PABPC4L: variants seen among roughly 807,000 people sequenced by gnomAD.
The protein encoded by PABPC4L is polyadenylate-binding protein 4-like.
For missense variants in PABPC4L, 452 were observed against 451.4 expected (o/e 1.00, Z -0.01); for synonymous variants, 169 against 164.1 (o/e 1.03, Z -0.23).
the PABPC4L span, among the ~76,000 whole-genome samples, chr4:134,001,653 C>T: frequency 1.3e-5 from 2 of 151,954 alleles, no homozygotes; most frequent in Non-Finnish European, 2.9e-5. Context: ...AATAGAATCT[C>T]CAGGGACAAG....
chr4:134,061,840 GAAAAAGA>G, the PABPC4L span, among the ~76,000 whole-genome samples: 1 of 149,600 alleles, frequency 6.7e-6, no homozygotes, highest in Non-Finnish European at 1.5e-5. Flanking sequence ...AAAAAGAAAA[GAAAAAGA>G]AGAAAGAAGG....
the PABPC4L span, among the ~76,000 whole-genome samples, chr4:134,008,270 T>C: frequency 1.3e-5 from 2 of 151,856 alleles, no homozygotes; most frequent in Non-Finnish European, 2.9e-5. Context: ...ATCAATTATT[T>C]GACTTTTTCA....
the PABPC4L span, among the ~76,000 whole-genome samples, chr4:134,166,639 A>T: frequency 2.0e-5 from 3 of 152,166 alleles, no homozygotes; most frequent in African/African-American, 7.2e-5. Context: ...GATGTAACAG[A>T]GCTGATTTTC....
chr4:134,113,430 A>G, the PABPC4L span, among the ~76,000 whole-genome samples: 2 of 151,910 alleles, frequency 1.3e-5, no homozygotes, highest in Non-Finnish European at 1.5e-5. Context: ...CACAAACACC[A>G]TTGTGTTATA....
chr4:134,053,033 C>T, the PABPC4L span, among the ~76,000 whole-genome samples: 3 of 151,970 alleles, frequency 2.0e-5, no homozygotes, highest in African/African-American at 7.2e-5. Context: ...TATAACCATG[C>T]TTTGAAGTAG....
the PABPC4L span, among the ~76,000 whole-genome samples, chr4:133,962,399 G>A: frequency 2.6e-5 from 4 of 152,110 alleles, no homozygotes; most frequent in Admixed American, 2.0e-4. Context: ...AAGAAGTGAC[G>A]GGAGAAATAT....
At chr4:133,976,295 T>G in the PABPC4L span, among the ~76,000 whole-genome samples, 1 of 152,220 alleles carries the variant, frequency 6.6e-6, no homozygotes, top group Non-Finnish European at 1.5e-5. Flanking sequence ...CTCATTCTTT[T>G]TATGGCTGCA....
chr4:134,188,706 T>G, the PABPC4L span, among the ~76,000 whole-genome samples: 1 of 152,024 alleles, frequency 6.6e-6, no homozygotes, highest in Non-Finnish European at 1.5e-5. Flanking sequence ...AGGTGTCTTT[T>G]TCTTCTGACT....
rs1262029614 is a variant in PABPC4L at position 134,200,060 on chromosome 4, G to A, written c.960C>T (p.Ser320=). 6 of 1,551,482 alleles carry A rather than the reference G, an allele frequency of 3.9e-6. No homozygotes were observed. The Admixed American group carries it at 1.2e-4, about 30-fold the overall frequency. Residue 320 remains serine (S), a synonymous_variant, in exon 2 of 2, where the codon AGC becomes AGT. Coordinates refer to ENST00000421491, the MANE Select transcript of PABPC4L (RefSeq NM_001114734.2). ...RNEFSSFGSI[S]RVKVMQEEGQ... is the part of the protein sequence containing the mutation. ...CCTCTTCCTGCATTACCTTAACTCTGCTAATTGATCCAAATGAAGAAAATT... is the reference window on the plus strand; with the variant it reads ...CCTCTTCCTGCATTACCTTAACTCTACTAATTGATCCAAATGAAGAAAATT...
At chr4:133,992,451 A>G in the PABPC4L span, among the ~76,000 whole-genome samples, 2 of 152,196 alleles carry the variant, frequency 1.3e-5, no homozygotes, top group South Asian at 4.1e-4. Flanking sequence ...GGTATACAGT[A>G]AGGGTTAGAA....
At chr4:134,176,148 T>G in the PABPC4L span, among the ~76,000 whole-genome samples, 1 of 152,168 alleles carries the variant, frequency 6.6e-6, no homozygotes, top group Non-Finnish European at 1.5e-5. Flanking sequence ...ACATTAAAGT[T>G]AATTATTCTC....
At chr4:133,961,597 A>G in the PABPC4L span, among the ~76,000 whole-genome samples, 2 of 152,178 alleles carry the variant, frequency 1.3e-5, no homozygotes, top group East Asian at 1.9e-4. Context: ...GGCAATGGCA[A>G]CGCCCTTTGG....
At chr4:134,094,872 C>A in the PABPC4L span, among the ~76,000 whole-genome samples, 1 of 151,594 alleles carries the variant, frequency 6.6e-6, no homozygotes, top group Non-Finnish European at 1.5e-5. Flanking sequence ...AAATAATACA[C>A]TGTAATTTTT....
At chr4:134,098,811 T>A in the PABPC4L span, among the ~76,000 whole-genome samples, 1 of 151,824 alleles carries the variant, frequency 6.6e-6, no homozygotes, top group East Asian at 1.9e-4. Context: ...AAGAGTATCA[T>A]CTACTAGGAG....
the PABPC4L span, among the ~76,000 whole-genome samples, chr4:133,964,034 C>A: frequency 3.5e-4 from 53 of 151,918 alleles, no homozygotes; most frequent in South Asian, 2.1e-4. Flanking sequence ...AAAACAAAAA[C>A]CTGTGTCTTT....
chr4:134,097,363 A>C, the PABPC4L span, among the ~76,000 whole-genome samples: 3 of 151,952 alleles, frequency 2.0e-5, no homozygotes. Flanking sequence ...TTTTATTCTC[A>C]AGCTGCTATG....
At chr4:134,124,882 T>C in the PABPC4L span, among the ~76,000 whole-genome samples, 3 of 152,018 alleles carry the variant, frequency 2.0e-5, no homozygotes, top group Non-Finnish European at 2.9e-5. Flanking sequence ...CAGGTACTGA[T>C]AGTGAAGGGC....
At chr4:134,159,012 CG>C in the PABPC4L span, among the ~76,000 whole-genome samples, 125 of 152,018 alleles carry the variant, frequency 8.2e-4, no homozygotes, top group African/African-American at 2.9e-3. Context: ...AGAAAAAGCA[CG>C]GTAAAAATAG....
the PABPC4L span, among the ~76,000 whole-genome samples, chr4:134,110,678 C>G: frequency 6.6e-6 from 1 of 151,244 alleles, no homozygotes; most frequent in Non-Finnish European, 1.5e-5. Context: ...GCCCAAGTCC[C>G]TGATATAAAA....
Sources: allele counts gnomAD v4.1 joint callset (sites outside exome capture counted in the v4.1 genomes callset), GRCh38; gene constraint gnomAD v4.1.1; transcripts MANE v1.5; gene names NCBI Gene and HGNC (gene_info 2026-07-23, HGNC 2026-07-21).